Variants in VWA5B1 observed in about 807,000 individuals in gnomAD.
The protein encoded by VWA5B1 is von Willebrand factor A domain containing 5B1.
VWA5B1 carries 115 observed loss-of-function variants against 118.2 expected under a neutral mutation model. The observed-to-expected ratio is 0.97, with a 90% confidence interval of 0.84 to 1.14. VWA5B1 has a LOEUF of 1.14. Among genes scored for constraint, VWA5B1 ranks in the 50% most tolerant of loss-of-function variants. VWA5B1 has a pLI of 0.00. For synonymous variants in VWA5B1, 682 were observed against 658.4 expected, an observed-to-expected ratio of 1.04 and a Z score of -0.55; for missense variants, 1,596 against 1,603.8, an observed-to-expected ratio of 1.00 and a Z score of 0.08.
intron 1 of VWA5B1, among the ~76,000 whole-genome samples, chr1:20,298,930 G>A (rs916563474): frequency 1.3e-5 from 2 of 152,140 alleles, no homozygotes; most frequent in Non-Finnish European, 2.9e-5. Flanking sequence ...TAAATGCAGA[G>A]GCACTGGAAT....
chr1:20,299,391 GT>G (rs776785645), intron 1 of VWA5B1, among the ~76,000 whole-genome samples: 14 of 152,016 alleles, frequency 9.2e-5, no homozygotes, highest in Non-Finnish European at 1.9e-4. Context: ...TCCAGTTTTG[GT>G]TTTTTGTTTT....
At position 20,330,866 on chromosome 1, in the gene VWA5B1, CA is replaced by C; in HGVS notation, c.1458-2del. On this transcript the variant is annotated splice_acceptor_variant, in intron 10 of 21. Coordinates refer to ENST00000289815, the MANE Select transcript of VWA5B1 (RefSeq NM_001039500.3). LOFTEE classifies it high-confidence loss of function. ...AGCAGCCTCTCTTCTCCCTTTCCGC[CA>C]GGTGCTATAGCTTTGGAATTGGACC... The C allele has an allele frequency of 6.4e-7, 1 of 1,551,624 alleles. No homozygotes were observed. Among genetic ancestry groups the C allele is most frequent in the Non-Finnish European group, 8.7e-7 (1 of 1,146,890 alleles).
intron 8 of VWA5B1, among the ~76,000 whole-genome samples, chr1:20,326,288 G>A (rs185903893): frequency 6.6e-6 from 1 of 152,158 alleles, no homozygotes; most frequent in African/African-American, 2.4e-5. Context: ...GAATCCTCTT[G>A]CAGCTGTTTT....
chr1:20,326,649 A>G (rs2089392962), intron 8 of VWA5B1, among the ~76,000 whole-genome samples: 1 of 152,052 alleles, frequency 6.6e-6, no homozygotes, highest in South Asian at 2.1e-4. Flanking sequence ...TGTTTTTAGT[A>G]GAGACGGTTC....
At position 20,357,295 on chromosome 1, in the gene VWA5B1, T is replaced by TTCACAAGATCAGCATTTCCAACCCTG. The variant is rs1553125158; in HGVS notation, c.*3034_*3059dup. Among the ~76,000 whole-genome samples, 1 of 152,170 alleles carries TTCACAAGATCAGCATTTCCAACCCTG rather than the reference T, an allele frequency of 6.6e-6. No homozygotes were observed. The highest frequency in any genetic ancestry group is 1.5e-5 in the Non-Finnish European group (1 of 68,018). On this transcript the variant is annotated 3_prime_UTR_variant, in exon 22 of 22. Transcript: ENST00000289815. ...TTCATCTTTTGTGGAATGACGGGGGTTCACAAGATCAGCATTTCCAACCCT... is the reference window on the plus strand; with the variant it reads ...TTCATCTTTTGTGGAATGACGGGGGTTCACAAGATCAGCATTTCCAACCCTGTCACAAGATCAGCATTTCCAACCCT...
intron 20 of VWA5B1, among the ~76,000 whole-genome samples, chr1:20,351,575 C>T (rs1557453258): frequency 6.6e-6 from 1 of 152,074 alleles, no homozygotes. Context: ...TCACTTGGAC[C>T]CGGGAGGCAG....
intron 7 of VWA5B1, 39 bp downstream of exon 7, chr1:20,319,545 T>C (rs1570116919): frequency 1.3e-6 from 2 of 1,548,428 alleles, no homozygotes; most frequent in Admixed American, 2.0e-5. Context: ...GGTGGCAGAG[T>C]TGGGGTGGCG....
In VWA5B1 at chr1:20,350,208, C is replaced by A; in HGVS notation, c.2931C>A (p.Arg977=). The A allele has an allele frequency of 6.4e-7, 1 of 1,551,098 alleles. No homozygotes were observed. Among genetic ancestry groups the A allele is most frequent in the South Asian group, 1.2e-5 (1 of 84,056 alleles). The change falls in exon 19 of 22, where the codon CGC becomes CGA. Residue 977 remains arginine (R), a synonymous_variant. Transcript: ENST00000289815. ...TCAGCGAGGCCAGGTCCCCCGGCCG[C>A]GAGAAGCACGGTGCTTCTGAAGGTG... ...ALFSEARSPG[R]EKHGASEGPQ...
intron 3 of VWA5B1, 115 bp downstream of exon 3, chr1:20,313,103 A>G: frequency 1.5e-6 from 2 of 1,351,590 alleles, no homozygotes; most frequent in Non-Finnish European, 2.0e-6. Flanking sequence ...CAGAAAGAGC[A>G]CTGAACTAGT....
chr1:20,322,178 G>A (rs2089239745), intron 7 of VWA5B1, among the ~76,000 whole-genome samples: 1 of 152,196 alleles, frequency 6.6e-6, no homozygotes, highest in Non-Finnish European at 1.5e-5. Flanking sequence ...GTGGAGTGAG[G>A]AAAAGAGGGG....
intron 4 of VWA5B1, among the ~76,000 whole-genome samples, chr1:20,314,995 G>A (rs559606756): frequency 1.3e-5 from 2 of 152,268 alleles, no homozygotes; most frequent in African/African-American, 2.4e-5. Context: ...ATTATACAAC[G>A]ATTAACACAA....
intron 9 of VWA5B1, among the ~76,000 whole-genome samples, chr1:20,328,580 G>A (rs527733971): frequency 1.3e-5 from 2 of 152,154 alleles, no homozygotes; most frequent in South Asian, 4.2e-4. Context: ...CAAGCAAATG[G>A]GACACTTTTC....
chr1:20,292,751 C>T (rs1277616711), intron 1 of VWA5B1, among the ~76,000 whole-genome samples: 1 of 152,214 alleles, frequency 6.6e-6, no homozygotes, highest in East Asian at 1.9e-4. Context: ...GGGCCCTCAT[C>T]ACCCAGCCTT....
At chr1:20,341,765 A>C (rs2089880538) in intron 14 of VWA5B1, among the ~76,000 whole-genome samples, 1 of 152,218 alleles carries the variant, frequency 6.6e-6, no homozygotes, top group Non-Finnish European at 1.5e-5. Context: ...GAATAGATAG[A>C]TTAAATCAAC....
chr1:20,343,391 A>G lies in VWA5B1; in HGVS notation c.2624A>G (p.Gln875Arg). 1.3e-6 allele frequency: 2 copies of G among 1,522,476 alleles called. No homozygotes were observed. Among genetic ancestry groups the G allele is most frequent in the South Asian group, 1.2e-5 (1 of 81,132 alleles). 94.3% of individuals were successfully genotyped at this position (1,522,476 alleles called of 1,614,324 possible). ...GCGGAGCGCGAGGGCGAGATCGAGC[A>G]GGGTGAGCGCCACGGAACTGCGCCC... ...QLAEREGEIE[Q>R]GSNRRYQVSA... The change falls in exon 16 of 22, where the codon CAG becomes CGG. Residue 875 changes from glutamine (Q) to arginine (R), a missense_variant and splice_region_variant. By Grantham distance (43) the Gln-to-Arg change is conservative. Coordinates refer to ENST00000289815, the MANE Select transcript of VWA5B1 (RefSeq NM_001039500.3).
intron 11 of VWA5B1, among the ~76,000 whole-genome samples, chr1:20,332,267 G>A (rs562361766): frequency 6.6e-6 from 1 of 151,992 alleles, no homozygotes; most frequent in South Asian, 2.1e-4. Flanking sequence ...ATCACTTGAG[G>A]CCAAGAGTTT....
At chr1:20,321,850 T>C (rs1170447195) in intron 7 of VWA5B1, among the ~76,000 whole-genome samples, 3 of 151,548 alleles carry the variant, frequency 2.0e-5, no homozygotes, top group African/African-American at 7.3e-5. Context: ...GGGAGCAGAG[T>C]GGGTAGAGAG....
At chr1:20,330,102 A>T in intron 9 of VWA5B1, 78 bp from the exon 10 acceptor site, 1 of 1,489,784 alleles carries the variant, frequency 6.7e-7, no homozygotes, top group Non-Finnish European at 9.1e-7. Flanking sequence ...AGATCTAGGG[A>T]AACAAAGTCC....
At chr1:20,347,796 A>T (rs1406761459) in intron 17 of VWA5B1, among the ~76,000 whole-genome samples, 1 of 148,774 alleles carries the variant, frequency 6.7e-6, no homozygotes, top group Non-Finnish European at 1.5e-5. Flanking sequence ...TTTCCATCCA[A>T]CCCCTCTTGG....
Sources: gnomAD v4.1 joint callset for allele counts (sites outside exome capture counted in the v4.1 genomes callset) on GRCh38, gnomAD v4.1.1 for gene constraint, MANE v1.5 for transcripts, NCBI Gene and HGNC (gene_info 2026-07-23, HGNC 2026-07-21) for gene names.